Variants in PIGQ observed in about 807,000 individuals in gnomAD.
The protein encoded by PIGQ is phosphatidylinositol glycan anchor biosynthesis class Q, also known as phosphatidylinositol N-acetylglucosaminyltransferase subunit Q.
In PIGQ, 54 loss-of-function variants were observed where a neutral mutation model predicts 60.3. That is an observed-to-expected ratio of 0.90 (90% CI 0.72 to 1.12). PIGQ has a LOEUF of 1.12. Ranked by LOEUF, PIGQ falls within the 50% of genes most tolerant of loss-of-function variation. The pLI is 0.00. For missense variants in PIGQ, 799 were observed against 793.5 expected (o/e 1.01, Z -0.08); for synonymous variants, 416 against 363.7 (o/e 1.14, Z -1.64).
chr16:571,098 TGTGTGTGTGTCTGGCTAGCCTGGTGCCC>T (rs1455954294), intron 1 of PIGQ, among the ~76,000 whole-genome samples: 13 of 16,132 alleles, frequency 8.1e-4, no homozygotes, highest in African/African-American at 1.2e-3. Flanking sequence ...TGTGTGTGTG[TGTGTGTGTGTCTGGCTAGCCTGGTGCCC>T]GTGTGTGTGT....
intron 5 of PIGQ, 75 bp from the exon 6 acceptor site, chr16:578,710 C>A: frequency 6.5e-7 from 1 of 1,538,830 alleles, no homozygotes; most frequent in Non-Finnish European, 8.9e-7. Flanking sequence ...ACCTCATGTC[C>A]TGTGTGTGTG....
At chr16:582,740 G>C (rs1259193577) in intron 10 of PIGQ, 143 bp from the exon 11 acceptor site, 1 of 917,322 alleles carries the variant, frequency 1.1e-6, no homozygotes, top group African/African-American at 1.7e-5. Context: ...GCCTCCTTGG[G>C]AACTGGGACT....
At chr16:579,951 C>T (rs960774898) in intron 7 of PIGQ, 4 of 410,910 alleles carry the variant, frequency 9.7e-6, no homozygotes, top group Non-Finnish European at 1.3e-5. Context: ...TGTGGCCACG[C>T]ACCGTCTTGG....
At chr16:571,675 TC>T (rs2151042802) in intron 1 of PIGQ, among the ~76,000 whole-genome samples, 1 of 151,172 alleles carries the variant, frequency 6.6e-6, no homozygotes, top group Non-Finnish European at 1.5e-5. Flanking sequence ...CTTTCTCCCG[TC>T]CCATACCTCC....
Position 574,634 on chromosome 16 carries a change from G to T in PIGQ, c.560G>T (p.Arg187Leu). The change falls in exon 2 of 11, where the codon CGG (arginine) becomes CTG (leucine). Residue 187 changes from arginine (R) to leucine (L), a missense_variant. Transcript: ENST00000321878. The stretch of plus-strand genomic sequence containing the variant: ...GACCGCTTTGATGAGGGCCCCGTGC[G>T]GCTGAGCCACTGGCAGTCGGAGGGC... ...RSDRFDEGPV[R>L]LSHWQSEGVE... 6.2e-7 allele frequency: 1 copy of T among 1,607,686 alleles called. No homozygotes were observed. Among genetic ancestry groups the T allele is most frequent in the Non-Finnish European group, 8.5e-7 (1 of 1,178,568 alleles).
rs2035694649 is a variant in PIGQ at position 574,878 on chromosome 16, C to T, written c.689+115C>T. 3.7e-6 allele frequency: 3 copies of T among 807,554 alleles called. No individual in the cohort carries two copies. The East Asian group carries it at 8.1e-5, about 22-fold the overall frequency. The allele number at this position is 807,554 out of a possible 1,614,324, so 50.0% of individuals were successfully genotyped here. ...ATGCGCTCTTCCTGGGCCCGGGCCCCCTCCCACTCCTGCAGCCCGGGCTTT... is the reference window on the plus strand; with the variant it reads ...ATGCGCTCTTCCTGGGCCCGGGCCCTCTCCCACTCCTGCAGCCCGGGCTTT... On this transcript the variant is annotated intron_variant, in intron 2 of 10. Transcript: ENST00000321878.
intron 4 of PIGQ, chr16:578,156 T>C (rs1437305592): frequency 8.0e-6 from 4 of 500,468 alleles, no homozygotes; most frequent in South Asian, 2.7e-5. Flanking sequence ...GGCCCGGCCA[T>C]GTCACCCAGG....
Position 574,470 on chromosome 16 carries a change from C to A in PIGQ, c.396C>A (p.Asp132Glu). The change falls in exon 2 of 11, where the codon GAC (aspartate) becomes GAA (glutamate). Residue 132 changes from aspartate (D) to glutamate (E), a missense_variant. Asp to Glu is a conservative substitution (Grantham distance 45). Transcript: ENST00000321878. Reference sequence around the variant, plus strand: ...ACCAGGTCATGCTCATCTTCTATGACCAGCGCCAGGTGTTGCTGTCACAGC... The same window carrying A: ...ACCAGGTCATGCTCATCTTCTATGAACAGCGCCAGGTGTTGCTGTCACAGC... ...GEDQVMLIFY[D>E]QRQVLLSQLH... The A allele has an allele frequency of 6.2e-7, 1 of 1,610,554 alleles. No homozygotes were observed. The highest frequency in any genetic ancestry group is 8.5e-7 in the Non-Finnish European group (1 of 1,179,102).
rs936053918 is a variant in PIGQ at position 583,935 on chromosome 16, G to A, written c.*900G>A. On this transcript the variant is annotated 3_prime_UTR_variant, in exon 11 of 11. Transcript: ENST00000321878. ...GGGTGCGGGTGTTCCCTGTGAGCCC[G>A]AGTCCGCTTCAGGAGGGGAGCCTGC... is the stretch of plus-strand genomic sequence containing the variant. 6.5e-6 allele frequency: 3 copies of A among 461,832 alleles called. No individual in the cohort carries two copies. The highest frequency in any genetic ancestry group is 6.8e-5 in the Admixed American group (2 of 29,534). The allele number at this position is 461,832 out of a possible 1,614,324, so 28.6% of individuals were successfully genotyped here.
chr16:573,156 CCG>C (rs2035662540), intron 1 of PIGQ, among the ~76,000 whole-genome samples: 1 of 152,222 alleles, frequency 6.6e-6, no homozygotes, highest in African/African-American at 2.4e-5. Context: ...GGCCTGGGAA[CCG>C]CGGTAGCTCA....
At chr16:571,179 CCG>C (rs2035616985) in intron 1 of PIGQ, among the ~76,000 whole-genome samples, 1 of 2,876 alleles carries the variant, frequency 3.5e-4, no homozygotes, top group South Asian at 0.013. Flanking sequence ...AGCCTGGCGC[CCG>C]TGTGTGTGTG....
At position 574,307 on chromosome 16, in the gene PIGQ, G is replaced by C. The variant is rs1309943856; in HGVS notation, c.233G>C (p.Gly78Ala). 1 of 1,606,286 alleles carries C rather than the reference G, an allele frequency of 6.2e-7. No homozygotes were observed. Among genetic ancestry groups the C allele is most frequent in the Non-Finnish European group, 8.5e-7 (1 of 1,179,138 alleles). Residue 78 changes from glycine to alanine, a missense_variant, in exon 2 of 11, where the codon GGC becomes GCC. Transcript: ENST00000321878. ...HCRQEPEESL[G>A]RFLESLGAVF... The stretch of plus-strand genomic sequence containing the variant: ...CGGCAGGAGCCCGAGGAGAGCCTGG[G>C]CCGCTTCCTGGAGAGCCTGGGTGCT...
Position 574,464 on chromosome 16 carries a change from C to T in PIGQ, c.390C>T (p.Phe130=). 1 of 1,610,630 alleles carries T rather than the reference C, an allele frequency of 6.2e-7. No homozygotes were observed. The highest frequency in any genetic ancestry group is 8.5e-7 in the Non-Finnish European group (1 of 1,179,104). ...APGEDQVMLI[F]YDQRQVLLSQ... The stretch of plus-strand genomic sequence containing the variant: ...GTGAGGACCAGGTCATGCTCATCTT[C>T]TATGACCAGCGCCAGGTGTTGCTGT... The change falls in exon 2 of 11, where the codon TTC becomes TTT. Residue 130 remains phenylalanine, a synonymous_variant. Transcript: ENST00000321878.
chr16:575,223 G>T (rs574726118), intron 2 of PIGQ, among the ~76,000 whole-genome samples: 16 of 152,344 alleles, frequency 1.1e-4, no homozygotes, highest in African/African-American at 3.8e-4. Flanking sequence ...CGTGTGCCTG[G>T]GGGAGTGGTC....
intron 8 of PIGQ, 186 bp from the exon 9 acceptor site, chr16:580,672 C>G: frequency 1.6e-6 from 1 of 616,444 alleles, no homozygotes; most frequent in Non-Finnish European, 2.9e-6. Context: ...CCGGGTGCTC[C>G]GCCTCCAGCT....
At position 583,068 on chromosome 16, in the gene PIGQ, G is replaced by T; in HGVS notation, c.*33G>T. On this transcript the variant is annotated 3_prime_UTR_variant, in exon 11 of 11. Transcript: ENST00000321878. Reference sequence around the variant, plus strand: ...GCTGGCTCGCCTGGCACCACCACACGGCCACAGCCAGCCATCTGCTCTGCC... The same window carrying T: ...GCTGGCTCGCCTGGCACCACCACACTGCCACAGCCAGCCATCTGCTCTGCC... 1 of 1,612,930 alleles carries T rather than the reference G, an allele frequency of 6.2e-7. No individual in the cohort carries two copies. Among genetic ancestry groups the T allele is most frequent in the Non-Finnish European group, 8.5e-7 (1 of 1,179,980 alleles).
rs1172575125 is a variant in PIGQ, at chr16:573,935, G to A, written c.-9-131G>A. ...AAGGAGCCCTACGGCGTCCACCACC[G>A]AACTTGAAGCTGAGGTGCCCCGACC... On this transcript the variant is annotated intron_variant, in intron 1 of 10. Transcript: ENST00000321878. 15 of 637,976 alleles carry A rather than the reference G, an allele frequency of 2.4e-5. No individual in the cohort carries two copies. The East Asian group carries it at 2.5e-4, about 11-fold the overall frequency. The allele number at this position is 637,976 out of a possible 1,614,324, so 39.5% of individuals were successfully genotyped here.
intron 10 of PIGQ, 175 bp from the exon 11 acceptor site, chr16:582,708 C>T (rs2035832740): frequency 1.4e-6 from 1 of 735,626 alleles, no homozygotes; most frequent in South Asian, 1.7e-5. Context: ...CCCAGCGCTC[C>T]CTTCTGGCTG....
chr16:579,393 GAC>G, intron 7 of PIGQ: 2 of 588,120 alleles, frequency 3.4e-6, no homozygotes, highest in African/African-American at 1.9e-5. Context: ...AGAAGAGACA[GAC>G]ACACAGCCCC....
Sources: gnomAD v4.1 joint callset for allele counts (sites outside exome capture counted in the v4.1 genomes callset) on GRCh38, gnomAD v4.1.1 for gene constraint, MANE v1.5 for transcripts, NCBI Gene and HGNC (gene_info 2026-07-23, HGNC 2026-07-21) for gene names.